Variants in PCCA observed in about 807,000 individuals in gnomAD.
PCCA encodes propionyl-CoA carboxylase alpha chain, mitochondrial.
A neutral mutation model predicts 101.3 loss-of-function variants in PCCA; 74 were observed. The observed-to-expected ratio is 0.73, with a 90% CI of 0.61 to 0.89. The LOEUF (loss-of-function observed/expected upper bound fraction) is 0.89. Among genes scored for constraint, PCCA ranks in the 40% least tolerant of loss-of-function variants. The pLI is 0.00. For missense variants in PCCA, 891 were observed against 907.0 expected, an observed-to-expected ratio of 0.98 and a Z score of 0.23; for synonymous variants, 294 against 313.6, an observed-to-expected ratio of 0.94 and a Z score of 0.66.
chr13:100,136,326 C>T lies in PCCA; in HGVS notation c.301-18653C>T, dbSNP rs558315589. Among the ~76,000 whole-genome samples, 100 of 151,686 alleles carry T rather than the reference C, an allele frequency of 6.6e-4. 1 individual carries two copies. Among genetic ancestry groups the T allele is most frequent in the African/African-American group, 2.2e-3 (92 of 41,376 alleles). ...TCAGCATCTCAAGTAGCTGGGGTTA[C>T]AGGCGTGCACCACCACGCCTGGCTA... On this transcript the variant is annotated intron_variant, in intron 4 of 23. Transcript: ENST00000376285.
At chr13:100,290,401 C>T (rs572335477) in intron 12 of PCCA, among the ~76,000 whole-genome samples, 79 of 151,998 alleles carry the variant, frequency 5.2e-4, no homozygotes, top group African/African-American at 1.7e-3. Flanking sequence ...TTTGTAGAGA[C>T]GAGATCTCAC....
intron 22 of PCCA, among the ~76,000 whole-genome samples, chr13:100,524,175 G>A (rs1032245686): frequency 7.2e-5 from 11 of 152,198 alleles, no homozygotes; most frequent in African/African-American, 2.7e-4. Flanking sequence ...CCGAGTGCTG[G>A]CATTTTGCTG....
chr13:100,194,025 T>A (rs180996845), intron 6 of PCCA, among the ~76,000 whole-genome samples: 1 of 151,836 alleles, frequency 6.6e-6, no homozygotes, highest in Admixed American at 6.6e-5. Context: ...GAGCCGAGAT[T>A]GTGCCACTGC....
intron 12 of PCCA, among the ~76,000 whole-genome samples, chr13:100,298,823 C>T (rs1348491643): frequency 6.7e-6 from 1 of 149,932 alleles, no homozygotes; most frequent in Non-Finnish European, 1.5e-5. Flanking sequence ...CAGAGAGAAA[C>T]CATTGCTAAG....
chr13:100,144,250 G>T lies in PCCA; in HGVS notation c.301-10729G>T, dbSNP rs890672335. 2.6e-5 allele frequency among the ~76,000 whole-genome samples: 4 copies of T among 152,036 alleles called. No homozygotes were observed. The East Asian group carries it at 5.8e-4, about 22-fold the overall frequency. On this transcript the variant is annotated intron_variant, in intron 4 of 23. Transcript: ENST00000376285. ...TTGTAATACTCATCTGATAGTTTTT[G>T]GTAAGAAACTAAACAGCCATATACC...
At chr13:100,392,244 G>A (rs2076833756) in intron 19 of PCCA, among the ~76,000 whole-genome samples, 2 of 152,112 alleles carry the variant, frequency 1.3e-5, no homozygotes, top group South Asian at 2.1e-4. Flanking sequence ...GAAGCGGGAA[G>A]GAAGGAGTTC....
intron 22 of PCCA, among the ~76,000 whole-genome samples, chr13:100,524,988 GATAGATA>G (rs1566511023): frequency 0.015 from 1,692 of 110,404 alleles, 19 homozygotes; most frequent in African/African-American, 0.039. Flanking sequence ...AAGATGGATA[GATAGATA>G]GATAGATAGA....
At chr13:100,469,882 A>G (rs1244249581) in intron 21 of PCCA, among the ~76,000 whole-genome samples, 3 of 152,210 alleles carry the variant, frequency 2.0e-5, no homozygotes, top group African/African-American at 7.2e-5. Flanking sequence ...GAAAGTTTTT[A>G]GTGGTGTCTT....
chr13:100,323,618 G>T (rs1462168704), intron 16 of PCCA, among the ~76,000 whole-genome samples: 7 of 152,110 alleles, frequency 4.6e-5, no homozygotes, highest in Admixed American at 2.0e-4. Context: ...GCCTGGCCAG[G>T]AGCTCCATTC....
chr13:100,133,279 A>C (rs1489205051), intron 4 of PCCA, among the ~76,000 whole-genome samples: 1 of 152,106 alleles, frequency 6.6e-6, no homozygotes, highest in Non-Finnish European at 1.5e-5. Flanking sequence ...AGTGTTCTTT[A>C]TGTATTCCGA....
chr13:100,261,612 G>A (rs966145414), intron 9 of PCCA, among the ~76,000 whole-genome samples: 1 of 151,846 alleles, frequency 6.6e-6, no homozygotes, highest in African/African-American at 2.4e-5. Flanking sequence ...GGAAGCCACT[G>A]TGCCCACCCA....
intron 19 of PCCA, among the ~76,000 whole-genome samples, chr13:100,385,174 A>T (rs1008685872): frequency 1.3e-5 from 2 of 152,222 alleles, no homozygotes; most frequent in African/African-American, 4.8e-5. Flanking sequence ...AAATTAAAAC[A>T]TAATGCATAA....
At chr13:100,109,635 T>C (rs1022330267) in intron 2 of PCCA, among the ~76,000 whole-genome samples, 26 of 152,206 alleles carry the variant, frequency 1.7e-4, no homozygotes, top group Admixed American at 1.7e-3. Context: ...TACAGAAAAG[T>C]AGATGATTAT....
intron 4 of PCCA, among the ~76,000 whole-genome samples, chr13:100,150,122 A>T (rs1298853006): frequency 8.2e-6 from 1 of 122,152 alleles, no homozygotes; most frequent in Non-Finnish European, 1.6e-5. Flanking sequence ...TCTGCCTCCC[A>T]GGTTCAGCAA....
intron 19 of PCCA, 80 bp downstream of exon 19, chr13:100,368,654 ACT>A (rs1304857497): frequency 3.5e-6 from 3 of 867,566 alleles, no homozygotes; most frequent in Non-Finnish European, 5.9e-6. Context: ...CTGTTCAGTG[ACT>A]CTCGTCTTTT....
At chr13:100,115,949 A>G (rs2048755761) in intron 4 of PCCA, among the ~76,000 whole-genome samples, 1 of 152,226 alleles carries the variant, frequency 6.6e-6, no homozygotes, top group Non-Finnish European at 1.5e-5. Flanking sequence ...AATTTCTAGA[A>G]AGATACTATA....
At chr13:100,412,533 T>C (rs1420327992) in intron 19 of PCCA, among the ~76,000 whole-genome samples, 4 of 152,180 alleles carry the variant, frequency 2.6e-5, no homozygotes, top group Non-Finnish European at 5.9e-5. Context: ...TCTTATTAGG[T>C]GCAATAAAAG....
At chr13:100,222,469 A>G (rs1316613485) in intron 7 of PCCA, among the ~76,000 whole-genome samples, 1 of 152,154 alleles carries the variant, frequency 6.6e-6, no homozygotes, top group Non-Finnish European at 1.5e-5. Flanking sequence ...TTGGCTATTA[A>G]TTTAGGTTTC....
chr13:100,298,607 TC>T (rs1412212521), intron 12 of PCCA, among the ~76,000 whole-genome samples: 10 of 3,920 alleles, frequency 2.6e-3, no homozygotes, highest in South Asian at 0.028. Flanking sequence ...CCTCCCTCCC[TC>T]CCCTCCCTCC....
Sources: gnomAD v4.1 joint callset for allele counts (sites outside exome capture counted in the v4.1 genomes callset) on GRCh38, gnomAD v4.1.1 for gene constraint, MANE v1.5 for transcripts, NCBI Gene and HGNC (gene_info 2026-07-23, HGNC 2026-07-21) for gene names.